NDE1: variants seen among roughly 807,000 people sequenced by gnomAD.
NDE1 encodes nuclear distribution protein nudE homolog 1.
Under a neutral mutation model 43.4 loss-of-function variants are expected in NDE1, and 28 were observed. The ratio of observed to expected loss-of-function variants is 0.65; its 90% CI spans 0.48 to 0.89. NDE1 has a LOEUF of 0.89. Among genes scored for constraint, NDE1 ranks in the 40% least tolerant of loss-of-function variants. The pLI, the probability that NDE1 is intolerant of heterozygous loss-of-function variation, is 0.00. For missense variants in NDE1, 441 were observed against 434.1 expected (o/e 1.02, Z -0.14); for synonymous variants, 184 against 172.0 (o/e 1.07, Z -0.55).
chr16:15,694,572 T>G (rs1313059907), intron 7 of NDE1: 1 of 941,794 alleles, frequency 1.1e-6, no homozygotes, highest in Admixed American at 6.2e-5. Flanking sequence ...GGTCTTAAAC[T>G]CCTGGCCTCA....
Position 15,651,023 on chromosome 16 carries a change from G to A in NDE1, c.-44+729G>A, listed in dbSNP as rs796552675. ...AAAATGCTTATTCCGCAGCTTGAGT[G>A]ATGGCTGGGCTCACTGAGGACCTGA... On this transcript the variant is annotated intron_variant, in intron 1 of 8. Coordinates refer to ENST00000396354, the MANE Select transcript of NDE1 (RefSeq NM_017668.3). Among the ~76,000 whole-genome samples, 11 of 152,304 alleles carry A rather than the reference G, an allele frequency of 7.2e-5. No individual in the cohort carries two copies. In the South Asian group the frequency reaches 1.7e-3, roughly 23 times the overall value.
chr16:15,668,052 C>A (rs1461595844), intron 3 of NDE1, among the ~76,000 whole-genome samples: 1 of 151,530 alleles, frequency 6.6e-6, no homozygotes, highest in African/African-American at 2.4e-5. Flanking sequence ...GCACCCTGGA[C>A]GTCTCAGGTT....
chr16:15,715,229 T>G, intron 8 of NDE1: 1 of 1,614,148 alleles, frequency 6.2e-7, no homozygotes, highest in Non-Finnish European at 8.5e-7. Context: ...TCCTTCAGCT[T>G]CTTGTCTTTC....
At chr16:15,717,507 C>T (rs1050073132) in intron 8 of NDE1, 4 of 729,490 alleles carry the variant, frequency 5.5e-6, no homozygotes, top group African/African-American at 3.5e-5. Context: ...TCAAGAGCTT[C>T]TTCCAGGCCG....
Position 15,664,872 on chromosome 16 carries a change from G to GTTCACCTGCTTTTCCTTTTTT in NDE1, c.83+14_83+34dup. 1 of 1,546,730 alleles carries GTTCACCTGCTTTTCCTTTTTT rather than the reference G, an allele frequency of 6.5e-7. No homozygotes were observed. ...GACCTACAAACAGAGGTCAGTCCGA[G>GTTCACCTGCTTTTCCTTTTTT]TTCACCTGCTTTTCCTTTTTTTTTT... On this transcript the variant is annotated intron_variant, in intron 2 of 8. Transcript: ENST00000396354.
intron 7 of NDE1, 112 bp from the exon 8 acceptor site, chr16:15,696,597 G>T: frequency 6.3e-7 from 1 of 1,587,286 alleles, no homozygotes. Flanking sequence ...TGGAATTCCA[G>T]TGCACAACAG....
intron 4 of NDE1, among the ~76,000 whole-genome samples, chr16:15,679,696 G>A (rs1159090719): frequency 2.6e-5 from 4 of 152,066 alleles, no homozygotes; most frequent in African/African-American, 7.2e-5. Context: ...TATACTCCAC[G>A]CATTCAATAA....
intron 8 of NDE1, chr16:15,708,761 A>G (rs1201876349): frequency 1.3e-6 from 2 of 1,588,738 alleles, no homozygotes; most frequent in Non-Finnish European, 1.7e-6. Flanking sequence ...AAAGAAATGG[A>G]TACTGAGACA....
At chr16:15,669,817 A>T (rs894250884) in intron 3 of NDE1, among the ~76,000 whole-genome samples, 1 of 152,176 alleles carries the variant, frequency 6.6e-6, no homozygotes, top group African/African-American at 2.4e-5. Flanking sequence ...GTTTGGCAGC[A>T]TCCCTGGCCT....
intron 1 of NDE1, 141 bp downstream of exon 1, chr16:15,650,435 C>A (rs2036441183): frequency 6.3e-6 from 1 of 157,812 alleles, no homozygotes; most frequent in Non-Finnish European, 1.4e-5. Context: ...CCCTCGCTTG[C>A]GCGTCGCTTC....
intron 8 of NDE1, chr16:15,717,777 CAG>C: frequency 3.7e-6 from 1 of 273,828 alleles, no homozygotes; most frequent in Non-Finnish European, 7.1e-6. Context: ...GCCTGGGCCA[CAG>C]AGAGACCCTG....
intron 8 of NDE1, chr16:15,719,825 G>T (rs536761923): frequency 1.4e-6 from 2 of 1,470,256 alleles, no homozygotes; most frequent in South Asian, 1.1e-5. Context: ...TGACCACAAA[G>T]AAGTTCCCAT....
intron 8 of NDE1, chr16:15,697,185 G>A: frequency 2.1e-6 from 1 of 471,910 alleles, no homozygotes; most frequent in Non-Finnish European, 2.8e-6. Context: ...TGGGAGTACA[G>A]GTGCGTGTCA....
chr16:15,700,815 C>T (rs1162775900), intron 8 of NDE1, among the ~76,000 whole-genome samples: 1 of 152,156 alleles, frequency 6.6e-6, no homozygotes, highest in Non-Finnish European at 1.5e-5. Flanking sequence ...TGGAGCTTCT[C>T]TCAGAGGCTC....
rs145101141 is a variant in NDE1 at position 15,718,423 on chromosome 16, G to A, written c.948-5768G>A. ...TCCGGGCCTCCAGGCGGCGCTTCTCGTCCTGGAGTGCGTTCCTGGGGGAAG... is the reference window on the plus strand; with the variant it reads ...TCCGGGCCTCCAGGCGGCGCTTCTCATCCTGGAGTGCGTTCCTGGGGGAAG... On this transcript the variant is annotated intron_variant, in intron 8 of 8. Transcript: ENST00000396354. 40 of 1,574,530 alleles carry A rather than the reference G, an allele frequency of 2.5e-5. No individual in the cohort carries two copies. The highest frequency in any genetic ancestry group is 3.2e-5 in the Non-Finnish European group (37 of 1,161,670).
At chr16:15,687,040 A>C (rs2038472422) in intron 4 of NDE1, 12 of 1,191,188 alleles carry the variant, frequency 1.0e-5, no homozygotes, top group Non-Finnish European at 1.3e-5. Flanking sequence ...TGAGCTTGCA[A>C]GAGAAGATGG....
intron 8 of NDE1, among the ~76,000 whole-genome samples, chr16:15,705,031 G>A (rs941351357): frequency 6.6e-6 from 1 of 152,210 alleles, no homozygotes; most frequent in Non-Finnish European, 1.5e-5. Flanking sequence ...CCAGGCTGGA[G>A]TGCAGTGGCA....
chr16:15,653,156 T>C (rs1286010703), intron 1 of NDE1, among the ~76,000 whole-genome samples: 1 of 152,168 alleles, frequency 6.6e-6, no homozygotes, highest in African/African-American at 2.4e-5. Flanking sequence ...TTTTAACATA[T>C]CCTGAGCTTT....
At position 15,721,471 on chromosome 16, in the gene NDE1, T is replaced by C. The variant is rs199713089; in HGVS notation, c.948-2720T>C. 4.8e-5 allele frequency: 77 copies of C among 1,614,208 alleles called. No individual in the cohort carries two copies. The highest frequency in any genetic ancestry group is 2.9e-4 in the East Asian group (13 of 44,880). ...GCTGACCAGGTCTTCCATTTCGGCT[T>C]TGAGCATTTTGTTGGTCCGCTCGAG... On this transcript the variant is annotated intron_variant, in intron 8 of 8. Transcript: ENST00000396354.
Sources: gnomAD v4.1 joint callset for allele counts (sites outside exome capture counted in the v4.1 genomes callset) on GRCh38, gnomAD v4.1.1 for gene constraint, MANE v1.5 for transcripts, NCBI Gene and HGNC (gene_info 2026-07-23, HGNC 2026-07-21) for gene names.